PCDHA4: variants seen among roughly 807,000 people sequenced by gnomAD.
PCDHA4 encodes the protein protocadherin alpha-4.
PCDHA4 carries 49 observed loss-of-function variants against 61.4 expected under a neutral mutation model. The observed-to-expected ratio is 0.80, with a 90% CI of 0.63 to 1.01. PCDHA4 has a LOEUF of 1.01. PCDHA4 is among the 50% of genes least tolerant of loss of function. PCDHA4 has a pLI of 0.00. For synonymous variants in PCDHA4, 590 were observed against 550.3 expected, an observed-to-expected ratio of 1.07 and a Z score of -1.01; for missense variants, 1,254 against 1,235.8, an observed-to-expected ratio of 1.01 and a Z score of -0.22.
At chr5:140,959,815 C>T (rs1239999748) in intron 1 of PCDHA4, among the ~76,000 whole-genome samples, 1 of 151,920 alleles carries the variant, frequency 6.6e-6, no homozygotes, top group Non-Finnish European at 1.5e-5. Context: ...TATATTTTAC[C>T]CACATGATAA....
rs567582281 is a variant in PCDHA4 at position 140,946,595 on chromosome 5, G to C, written c.2386-32354G>C. ...CTTAGGTGTTCATAGTGGATGAATA[G>C]ATAAAGAAAATGTGAAATATATATA... On this transcript the variant is annotated intron_variant, in intron 1 of 3. Transcript: ENST00000530339. Among the ~76,000 whole-genome samples, 13 of 108,580 alleles carry C rather than the reference G, an allele frequency of 1.2e-4. No homozygotes were observed. In the South Asian group the frequency reaches 1.5e-3, roughly 12 times the overall value. 71.2% of individuals were successfully genotyped at this position (108,580 alleles called of 152,430 possible).
At chr5:140,901,340 T>G (rs1306421981) in intron 1 of PCDHA4, among the ~76,000 whole-genome samples, 1 of 152,206 alleles carries the variant, frequency 6.6e-6, no homozygotes, top group Non-Finnish European at 1.5e-5. Context: ...CGTTTTATAG[T>G]TTGATGTCTT....
chr5:140,848,408 A>G, intron 1 of PCDHA4: 1 of 1,352,390 alleles, frequency 7.4e-7, no homozygotes, highest in East Asian at 2.3e-5. Context: ...ACGATGGCGA[A>G]CACAGCAGAA....
At chr5:140,828,189 A>G (rs2150152143) in intron 1 of PCDHA4, 1 of 1,613,890 alleles carries the variant, frequency 6.2e-7, no homozygotes, top group African/African-American at 1.3e-5. Context: ...CAGCTCCACT[A>G]CTCCGTACCC....
At chr5:140,977,104 A>C (rs2096746104) in intron 1 of PCDHA4, among the ~76,000 whole-genome samples, 1 of 152,242 alleles carries the variant, frequency 6.6e-6, no homozygotes, top group Admixed American at 6.5e-5. Flanking sequence ...TGGGGAAGTG[A>C]GATTGTATAA....
chr5:140,928,675 T>C (rs782241604), intron 1 of PCDHA4: 1 of 1,614,210 alleles, frequency 6.2e-7, no homozygotes, highest in South Asian at 1.1e-5. Flanking sequence ...TTCTAATGCC[T>C]GGCTTTCCTA....
intron 1 of PCDHA4, chr5:140,828,611 T>C: frequency 6.2e-7 from 1 of 1,614,202 alleles, no homozygotes; most frequent in Non-Finnish European, 8.5e-7. Flanking sequence ...TAAACTCAGT[T>C]CTAGCGAATA....
At chr5:140,942,580 G>A (rs782743450) in intron 1 of PCDHA4, among the ~76,000 whole-genome samples, 4 of 151,104 alleles carry the variant, frequency 2.6e-5, no homozygotes, top group Non-Finnish European at 5.9e-5. Flanking sequence ...TCCCATATAG[G>A]ATGTCACATA....
intron 1 of PCDHA4, chr5:140,871,160 C>G (rs1554165222): frequency 1.2e-6 from 2 of 1,613,470 alleles, no homozygotes; most frequent in South Asian, 1.1e-5. Flanking sequence ...GCGGGCGCCG[C>G]GAGCCCAGAG....
In PCDHA4 at chr5:140,875,510, G is replaced by T. The variant is rs186070067; in HGVS notation, c.2385+65938G>T. The stretch of plus-strand genomic sequence containing the variant: ...GGACCAAGAGGCCCGGGATCCCAGC[G>T]TCTGCTGCTCTCGCTTCTGCTCCTT... On this transcript the variant is annotated intron_variant, in intron 1 of 3. Transcript: ENST00000530339. 1.2e-5 allele frequency: 19 copies of T among 1,613,812 alleles called. No homozygotes were observed. Among genetic ancestry groups the T allele is most frequent in the Non-Finnish European group, 1.6e-5 (19 of 1,179,784 alleles).
intron 1 of PCDHA4, chr5:140,928,181 C>T (rs782130459): frequency 2.5e-6 from 4 of 1,614,186 alleles, no homozygotes; most frequent in Non-Finnish European, 3.4e-6. Flanking sequence ...ACCCGAAGGA[C>T]AATCACTGTG....
intron 1 of PCDHA4, chr5:140,875,896 G>C (rs1183868015): frequency 6.2e-7 from 1 of 1,614,078 alleles, no homozygotes; most frequent in African/African-American, 1.3e-5. Context: ...AAAGGTACCT[G>C]TTTCTGAATC....
chr5:140,987,536 A>G (rs555442118), intron 3 of PCDHA4, among the ~76,000 whole-genome samples: 126 of 152,290 alleles, frequency 8.3e-4, no homozygotes, highest in Non-Finnish European at 1.6e-3. Context: ...TCCTGGGACC[A>G]TTACTTAACT....
At chr5:140,870,338 T>C in intron 1 of PCDHA4, 1 of 1,614,186 alleles carries the variant, frequency 6.2e-7, no homozygotes, top group Non-Finnish European at 8.5e-7. Context: ...GACAGCGCCC[T>C]GGACCGCGAG....
In PCDHA4 at chr5:140,850,658, G is replaced by T. The variant is rs2150492440; in HGVS notation, c.2385+41086G>T. On this transcript the variant is annotated intron_variant, in intron 1 of 3. Transcript: ENST00000530339. The stretch of plus-strand genomic sequence containing the variant: ...TCACGCTGCTGCTGTACACTGTGCT[G>T]CGGTGCTCGGCGATGCCCACCGAGG... 24 of 1,598,502 alleles carry T rather than the reference G, an allele frequency of 1.5e-5. 1 individual carries two copies. Among genetic ancestry groups the T allele is most frequent in the African/African-American group, 5.4e-5 (4 of 74,388 alleles).
chr5:140,884,135 C>A (rs1554181269), intron 1 of PCDHA4: 1 of 1,613,422 alleles, frequency 6.2e-7, no homozygotes. Context: ...CATCCCGTTC[C>A]GCGTGGGGCT....
At chr5:140,874,713 T>C (rs976044407) in intron 1 of PCDHA4, among the ~76,000 whole-genome samples, 2 of 152,248 alleles carry the variant, frequency 1.3e-5, no homozygotes, top group Non-Finnish European at 1.5e-5. Context: ...AGAGCAGTTA[T>C]GTGAAAAGTT....
chr5:140,927,813 G>A, intron 1 of PCDHA4: 1 of 1,614,176 alleles, frequency 6.2e-7, no homozygotes, highest in Non-Finnish European at 8.5e-7. Context: ...CGCTCTTGGA[G>A]GCATACATTG....
At chr5:140,969,457 T>C (rs1554231852) in intron 1 of PCDHA4, 1 of 1,505,602 alleles carries the variant, frequency 6.6e-7, no homozygotes, top group Admixed American at 2.2e-5. Context: ...TGAGTATATA[T>C]AGTATCCACA....
Sources: allele counts gnomAD v4.1 joint callset (sites outside exome capture counted in the v4.1 genomes callset), GRCh38; gene constraint gnomAD v4.1.1; transcripts MANE v1.5; gene names NCBI Gene and HGNC (gene_info 2026-07-23, HGNC 2026-07-21).